Variants in HTR7 observed in about 807,000 individuals in gnomAD.
The protein encoded by HTR7 is 5-HT-7.
A neutral mutation model predicts 34.0 loss-of-function variants in HTR7; 16 were observed. The ratio of observed to expected loss-of-function variants is 0.47; its 90% confidence interval spans 0.32 to 0.71. HTR7 has a LOEUF of 0.71. Ranked by LOEUF, HTR7 falls within the 30% of genes least tolerant of loss-of-function variation. The pLI, the probability that HTR7 is intolerant of heterozygous loss-of-function variation, is 0.04. For synonymous variants in HTR7, 265 were observed against 260.2 expected, an observed-to-expected ratio of 1.02 and a Z score of -0.18; for missense variants, 504 against 625.5, an observed-to-expected ratio of 0.81 and a Z score of 2.07.
chr10:90,813,247 G>A (rs146659870), intron 1 of HTR7, among the ~76,000 whole-genome samples: 9,353 of 152,210 alleles, frequency 0.061, 365 homozygotes, highest in Non-Finnish European at 0.095. Context: ...CTCTTCACAC[G>A]GACGCGCATG....
chr10:90,746,792 AC>A (rs1031844513), intron 2 of HTR7, among the ~76,000 whole-genome samples: 1 of 151,890 alleles, frequency 6.6e-6, no homozygotes, highest in African/African-American at 2.4e-5. Context: ...CCTTCAAATC[AC>A]CCAGCCCAAG....
At chr10:90,751,312 G>A (rs900084485) in intron 1 of HTR7, among the ~76,000 whole-genome samples, 1 of 152,140 alleles carries the variant, frequency 6.6e-6, no homozygotes, top group Non-Finnish European at 1.5e-5. Flanking sequence ...GAGTAAGGAA[G>A]AGGGAAAAGG....
rs981995741 is a variant in HTR7 at position 90,848,128 on chromosome 10, G to C, written c.539+9005C>G. Among the ~76,000 whole-genome samples the C allele has an allele frequency of 4.1e-5, 6 of 146,704 alleles. No individual in the cohort carries two copies. In the East Asian group the frequency reaches 1.2e-3, roughly 30 times the overall value. On this transcript the variant is annotated intron_variant, in intron 1 of 3. Transcript: ENST00000336152. The stretch of plus-strand genomic sequence containing the variant: ...TTGTTGCCCAAGCTGGAGTGCAATG[G>C]CGCGATCTCGGCTCACCGCAACCTC...
intron 1 of HTR7, among the ~76,000 whole-genome samples, chr10:90,829,634 C>T (rs1846133941): frequency 6.6e-6 from 1 of 152,008 alleles, no homozygotes; most frequent in Non-Finnish European, 1.5e-5. Flanking sequence ...AGCAATCAGA[C>T]AAGAGAAAGA....
At chr10:90,834,585 G>A (rs544122756) in intron 1 of HTR7, among the ~76,000 whole-genome samples, 26 of 152,230 alleles carry the variant, frequency 1.7e-4, no homozygotes, top group Admixed American at 8.5e-4. Flanking sequence ...TGATAGATCT[G>A]CTCATGTCTG....
At chr10:90,818,868 TAGTC>T (rs1340689900) in intron 1 of HTR7, among the ~76,000 whole-genome samples, 2 of 152,218 alleles carry the variant, frequency 1.3e-5, no homozygotes, top group Non-Finnish European at 2.9e-5. Context: ...GTTCTCATGA[TAGTC>T]AGTGAATTCT....
intron 1 of HTR7, among the ~76,000 whole-genome samples, chr10:90,809,831 C>T (rs1268326896): frequency 6.6e-6 from 1 of 152,220 alleles, no homozygotes; most frequent in African/African-American, 2.4e-5. Context: ...CTCCCAGAGC[C>T]CCTGGAACTC....
chr10:90,851,147 G>A lies in HTR7; in HGVS notation c.539+5986C>T, dbSNP rs368113955. ...GGCAAAGACAAAACCCTAAAAGTCA[G>A]GGTAAAAAAGACACATTACCTTCCA... On this transcript the variant is annotated intron_variant, in intron 1 of 3. Coordinates refer to ENST00000336152, the MANE Select transcript of HTR7 (RefSeq NM_019859.4). Among the ~76,000 whole-genome samples the A allele has an allele frequency of 6.6e-5, 10 of 152,250 alleles. No individual in the cohort carries two copies. In the East Asian group the frequency reaches 1.7e-3, roughly 26 times the overall value.
intron 2 of HTR7, among the ~76,000 whole-genome samples, chr10:90,745,693 G>A (rs999707263): frequency 6.6e-6 from 1 of 152,224 alleles, no homozygotes; most frequent in Non-Finnish European, 1.5e-5. Flanking sequence ...CAAACTGAGA[G>A]AAATGCAAAG....
intron 1 of HTR7, among the ~76,000 whole-genome samples, chr10:90,833,354 G>A (rs1325634212): frequency 6.6e-6 from 1 of 152,178 alleles, no homozygotes; most frequent in African/African-American, 2.4e-5. Flanking sequence ...CCTTCTCTGT[G>A]AAGCTTAAGA....
chr10:90,778,278 G>GAATGGATTAATCCATTCATGGATT (rs1267804466), intron 1 of HTR7, among the ~76,000 whole-genome samples: 1 of 152,184 alleles, frequency 6.6e-6, no homozygotes, highest in Non-Finnish European at 1.5e-5. Flanking sequence ...CTGCCCTGAT[G>GAATGGATTAATCCATTCATGGATT]AATGGATTAA....
chr10:90,802,695 C>G (rs1845647842), intron 1 of HTR7, among the ~76,000 whole-genome samples: 1 of 152,206 alleles, frequency 6.6e-6, no homozygotes, highest in Non-Finnish European at 1.5e-5. Context: ...GTTAAAATCC[C>G]TTGTACACTC....
intron 2 of HTR7, among the ~76,000 whole-genome samples, chr10:90,748,142 T>C (rs147991738): frequency 2.4e-4 from 36 of 152,240 alleles, no homozygotes; most frequent in African/African-American, 8.4e-4. Flanking sequence ...CTGTGGCTCT[T>C]TTTCTTTTAT....
intron 1 of HTR7, among the ~76,000 whole-genome samples, chr10:90,832,129 C>A (rs549671113): frequency 2.6e-5 from 4 of 152,372 alleles, no homozygotes; most frequent in African/African-American, 9.6e-5. Context: ...GGATCTGGCA[C>A]TGGGGCTGCA....
intron 1 of HTR7, among the ~76,000 whole-genome samples, chr10:90,836,005 G>T (rs1846246888): frequency 6.6e-6 from 1 of 152,142 alleles, no homozygotes; most frequent in Non-Finnish European, 1.5e-5. Flanking sequence ...GAGGTGTGAT[G>T]ATGCACCCAA....
intron 1 of HTR7, among the ~76,000 whole-genome samples, chr10:90,853,099 T>C (rs761062408): frequency 2.0e-5 from 3 of 151,924 alleles, no homozygotes; most frequent in African/African-American, 2.4e-5. Flanking sequence ...ATAGGTGATA[T>C]ATATACTACT....
At chr10:90,824,285 A>G (rs560070437) in intron 1 of HTR7, among the ~76,000 whole-genome samples, 1 of 152,334 alleles carries the variant, frequency 6.6e-6, no homozygotes, top group Admixed American at 6.5e-5. Context: ...AAGGGAAAAC[A>G]CTGTCTTGAA....
At chr10:90,771,664 C>A (rs1475890709) in intron 1 of HTR7, among the ~76,000 whole-genome samples, 2 of 152,210 alleles carry the variant, frequency 1.3e-5, no homozygotes, top group Non-Finnish European at 2.9e-5. Flanking sequence ...CAGCAGCCAG[C>A]ATGTCTGACT....
intron 1 of HTR7, among the ~76,000 whole-genome samples, chr10:90,806,908 G>A (rs1845715083): frequency 6.6e-6 from 1 of 152,150 alleles, no homozygotes; most frequent in Non-Finnish European, 1.5e-5. Flanking sequence ...AAGATAGACT[G>A]GGGCAACAAA....
Sources: gnomAD v4.1 joint callset for allele counts (sites outside exome capture counted in the v4.1 genomes callset) on GRCh38, gnomAD v4.1.1 for gene constraint, MANE v1.5 for transcripts, NCBI Gene and HGNC (gene_info 2026-07-23, HGNC 2026-07-21) for gene names.